UBA3: variants seen among roughly 807,000 people sequenced by gnomAD.
UBA3 encodes the protein ubiquitin like modifier activating enzyme 3, also known as NEDD8-activating enzyme E1 catalytic subunit.
Under a neutral mutation model 73.5 loss-of-function variants are expected in UBA3, and 26 were observed. The observed-to-expected ratio is 0.35, with a 90% CI of 0.26 to 0.49. The LOEUF (loss-of-function observed/expected upper bound fraction) is 0.49. UBA3 is among the 20% of genes least tolerant of loss of function. The pLI is 0.98. For synonymous variants in UBA3, 217 were observed against 191.2 expected (o/e 1.13, Z -1.11); for missense variants, 495 against 555.6 (o/e 0.89, Z 1.10).
chr3:69,068,573 C>CATTGTA (rs1575840693), intron 5 of UBA3, among the ~76,000 whole-genome samples: 1 of 150,678 alleles, frequency 6.6e-6, no homozygotes, highest in East Asian at 1.9e-4. Flanking sequence ...AGGCTGTAAC[C>CATTGTA]ACGTTTTTTT....
At chr3:69,061,290 G>A (rs1167167177) in intron 11 of UBA3, among the ~76,000 whole-genome samples, 2 of 152,232 alleles carry the variant, frequency 1.3e-5, no homozygotes, top group Non-Finnish European at 2.9e-5. Context: ...CAGCCTCCTG[G>A]GTTCAAGTGA....
At chr3:69,061,458 G>A (rs556787370) in intron 11 of UBA3, 1 of 163,340 alleles carries the variant, frequency 6.1e-6, no homozygotes, top group African/African-American at 2.4e-5. Context: ...GCCTCCCGAA[G>A]TGCTAGGATT....
At chr3:69,075,619 T>A in intron 3 of UBA3, 109 bp from the exon 4 acceptor site, 1 of 465,924 alleles carries the variant, frequency 2.1e-6, no homozygotes, top group Non-Finnish European at 3.6e-6. Flanking sequence ...AAAATGCCAC[T>A]AGGATAAAGA....
intron 5 of UBA3, 200 bp downstream of exon 5, chr3:69,071,335 T>C (rs1210932029): frequency 2.0e-5 from 9 of 449,524 alleles, no homozygotes; most frequent in Non-Finnish European, 3.5e-5. Context: ...CATGTATTTG[T>C]TTACATAACT....
chr3:69,079,740 G>A (rs1026342571), intron 2 of UBA3: 3 of 263,014 alleles, frequency 1.1e-5, no homozygotes, highest in African/African-American at 6.8e-5. Flanking sequence ...CCACAAAACG[G>A]TCTTGTGTCC....
intron 11 of UBA3, among the ~76,000 whole-genome samples, chr3:69,060,972 G>A (rs998673864): frequency 3.3e-5 from 5 of 152,190 alleles, no homozygotes; most frequent in African/African-American, 4.8e-5. Context: ...GCAGAACCAT[G>A]AGCCAAATAA....
At chr3:69,079,828 C>T (rs577980636) in intron 2 of UBA3, 36 of 455,352 alleles carry the variant, frequency 7.9e-5, no homozygotes, top group Non-Finnish European at 1.0e-4. Context: ...AAGAGGAGTG[C>T]ACAAGGGTCC....
intron 11 of UBA3, chr3:69,061,459 T>C (rs576662033): frequency 6.1e-6 from 1 of 163,728 alleles, no homozygotes; most frequent in Admixed American, 6.1e-5. Flanking sequence ...CCTCCCGAAG[T>C]GCTAGGATTG....
At chr3:69,069,973 A>G (rs75393288) in intron 5 of UBA3, among the ~76,000 whole-genome samples, 2,452 of 152,334 alleles carry the variant, frequency 0.016, 66 homozygotes, top group African/African-American at 0.056. Context: ...TTTCACACAC[A>G]TCATCCTTGC....
intron 11 of UBA3, among the ~76,000 whole-genome samples, chr3:69,058,568 C>T (rs2091996353): frequency 6.6e-6 from 1 of 152,180 alleles, no homozygotes; most frequent in Non-Finnish European, 1.5e-5. Flanking sequence ...AGATAAACTG[C>T]ATGATGGTTA....
At chr3:69,078,939 CTTAG>C (rs1262062555) in intron 2 of UBA3, among the ~76,000 whole-genome samples, 1 of 152,168 alleles carries the variant, frequency 6.6e-6, no homozygotes, top group Non-Finnish European at 1.5e-5. Context: ...CTATTTTATA[CTTAG>C]TTAAGATTCA....
At chr3:69,077,660 A>G in intron 3 of UBA3, 138 bp downstream of exon 3, 1 of 913,562 alleles carries the variant, frequency 1.1e-6, no homozygotes, top group Middle Eastern at 3.6e-4. Context: ...ATTCAATCTC[A>G]TATTTTAAGA....
chr3:69,066,711 C>T (rs1017363095), intron 6 of UBA3, among the ~76,000 whole-genome samples: 4 of 152,128 alleles, frequency 2.6e-5, no homozygotes, highest in African/African-American at 9.7e-5. Flanking sequence ...GGATTACAGG[C>T]ATGAGCCACC....
intron 8 of UBA3, 129 bp from the exon 9 acceptor site, chr3:69,063,266 A>G (rs934230861): frequency 1.5e-6 from 2 of 1,324,096 alleles, no homozygotes; most frequent in Non-Finnish European, 2.1e-6. Flanking sequence ...AGGGATTATA[A>G]TAACAATTTG....
rs879907203 is a variant in UBA3 at position 69,072,915 on chromosome 3, C to T, written c.265-1298G>A. On this transcript the variant is annotated intron_variant, in intron 4 of 17. Coordinates refer to ENST00000361055, the MANE Select transcript of UBA3 (RefSeq NM_003968.4). ...CTTTCTCTCACAGCACACCACCAAT[C>T]CATCAGCTAATCCTGTTGATTCCAT... Among the ~76,000 whole-genome samples, 4 of 152,186 alleles carry T rather than the reference C, an allele frequency of 2.6e-5. 1 individual carries two copies. In the South Asian group the frequency reaches 8.3e-4, roughly 31 times the overall value.
At chr3:69,068,142 A>G in intron 5 of UBA3, 134 bp from the exon 6 acceptor site, 1 of 583,546 alleles carries the variant, frequency 1.7e-6, no homozygotes, top group Non-Finnish European at 2.8e-6. Flanking sequence ...TTGCCTAAGT[A>G]TTTTGATTTC....
intron 7 of UBA3, 108 bp from the exon 8 acceptor site, chr3:69,063,611 G>T: frequency 1.1e-6 from 1 of 912,530 alleles, no homozygotes; most frequent in Non-Finnish European, 1.6e-6. Flanking sequence ...GGTGCAAGAT[G>T]TTGATTAGGA....
intron 6 of UBA3, among the ~76,000 whole-genome samples, chr3:69,066,194 T>C (rs1375361068): frequency 6.6e-6 from 1 of 152,172 alleles, no homozygotes; most frequent in Non-Finnish European, 1.5e-5. Flanking sequence ...TCTCACTACA[T>C]TGCCCAGGCT....
At chr3:69,072,126 T>C (rs559604522) in intron 4 of UBA3, among the ~76,000 whole-genome samples, 11 of 152,238 alleles carry the variant, frequency 7.2e-5, no homozygotes, top group East Asian at 3.9e-4. Context: ...TTAAAAGATA[T>C]TGAATCAAGA....
Sources: allele counts gnomAD v4.1 joint callset (sites outside exome capture counted in the v4.1 genomes callset), GRCh38; gene constraint gnomAD v4.1.1; transcripts MANE v1.5; gene names NCBI Gene and HGNC (gene_info 2026-07-23, HGNC 2026-07-21).